Variants in MBOAT2 observed in about 807,000 individuals in gnomAD.
MBOAT2 encodes the protein membrane bound glycerophospholipid O-acyltransferase 2.
MBOAT2 carries 28 observed loss-of-function variants against 63.4 expected under a neutral mutation model. The observed-to-expected ratio is 0.44, with a 90% CI of 0.33 to 0.61. The LOEUF (loss-of-function observed/expected upper bound fraction) is 0.61. Ranked by LOEUF, MBOAT2 falls within the 20% of genes least tolerant of loss-of-function variation. The pLI is 0.03. For missense variants in MBOAT2, 470 were observed against 605.8 expected, an observed-to-expected ratio of 0.78 and a Z score of 2.35; for synonymous variants, 211 against 215.6, an observed-to-expected ratio of 0.98 and a Z score of 0.19.
At chr2:8,936,186 T>G (rs1364399632) in intron 3 of MBOAT2, among the ~76,000 whole-genome samples, 1 of 152,194 alleles carries the variant, frequency 6.6e-6, no homozygotes, top group Non-Finnish European at 1.5e-5. Flanking sequence ...GAGTCTGTCT[T>G]TTTTATTCAT....
At chr2:8,874,607 G>A (rs1297200427) in intron 7 of MBOAT2, among the ~76,000 whole-genome samples, 7 of 152,262 alleles carry the variant, frequency 4.6e-5, no homozygotes, top group Non-Finnish European at 1.0e-4. Flanking sequence ...TATCCTGAGA[G>A]GTGATATCCT....
chr2:8,889,372 A>C (rs1012726809), intron 4 of MBOAT2, among the ~76,000 whole-genome samples: 34 of 152,350 alleles, frequency 2.2e-4, no homozygotes, highest in African/African-American at 8.2e-4. Context: ...ATTCTCCTCA[A>C]CTAACGGGAA....
intron 3 of MBOAT2, 50 bp from the exon 4 acceptor site, chr2:8,908,766 A>G (rs751070579): frequency 8.9e-7 from 1 of 1,117,680 alleles, no homozygotes; most frequent in Non-Finnish European, 1.3e-6. Context: ...TCATTTTGTT[A>G]AAGAGTACAT....
At chr2:8,937,819 A>C (rs543740580) in intron 3 of MBOAT2, among the ~76,000 whole-genome samples, 1 of 152,340 alleles carries the variant, frequency 6.6e-6, no homozygotes, top group East Asian at 1.9e-4. Context: ...ACCATGCGCC[A>C]GGCACTCTGC....
At chr2:8,958,694 A>G (rs1482020126) in intron 1 of MBOAT2, 52 bp from the exon 2 acceptor site, 7 of 1,420,804 alleles carry the variant, frequency 4.9e-6, no homozygotes, top group East Asian at 2.5e-5. Flanking sequence ...TGAATTTTTC[A>G]TATCATGTTA....
At chr2:8,950,613 G>C (rs1474878543) in intron 2 of MBOAT2, among the ~76,000 whole-genome samples, 2 of 152,212 alleles carry the variant, frequency 1.3e-5, no homozygotes, top group South Asian at 4.1e-4. Flanking sequence ...ATTTTTAGTA[G>C]AGACGGGGTT....
intron 6 of MBOAT2, among the ~76,000 whole-genome samples, chr2:8,877,476 C>G (rs770825902): frequency 6.6e-6 from 1 of 152,150 alleles, no homozygotes; most frequent in African/African-American, 2.4e-5. Flanking sequence ...CAAAGATGGA[C>G]GCACTATCTG....
rs777996869 is a variant in MBOAT2, at chr2:8,877,086, A to G, written c.634T>C (p.Ser212Pro). The change falls in exon 7 of 13, where the codon TCT becomes CCT. Residue 212 changes from serine (S) to proline (P), a missense_variant. Physicochemically the swap from Ser to Pro is moderately conservative, Grantham distance 74. This residue lies in a region of MBOAT2 where 376 missense variants were observed against 503.8 expected (regional missense o/e 0.75). Coordinates refer to ENST00000305997, the MANE Select transcript of MBOAT2 (RefSeq NM_138799.4). ...GTCTCTTCTTTTCCATTTTCACCAG[A>G]TTGTGTGATATGGTATGATCTGCCT... Reference protein sequence around the residue: ...IEGRSYHITQSGENGKEETQY... With the variant: ...IEGRSYHITQPGENGKEETQY... The G allele has an allele frequency of 1.2e-6, 2 of 1,613,644 alleles. No homozygotes were observed. Among genetic ancestry groups the G allele is most frequent in the East Asian group, 4.5e-5 (2 of 44,852 alleles).
intron 3 of MBOAT2, among the ~76,000 whole-genome samples, chr2:8,935,884 G>A (rs912782170): frequency 5.9e-5 from 9 of 152,128 alleles, no homozygotes; most frequent in Non-Finnish European, 1.2e-4. Context: ...CTTTTTTCAT[G>A]TCCTTGTCTG....
intron 8 of MBOAT2, among the ~76,000 whole-genome samples, chr2:8,868,861 C>G (rs1662101177): frequency 6.6e-6 from 1 of 152,182 alleles, no homozygotes; most frequent in South Asian, 2.1e-4. Context: ...CACTGGAACA[C>G]AGCAGAGTAC....
intron 4 of MBOAT2, among the ~76,000 whole-genome samples, chr2:8,894,929 C>A (rs1251206783): frequency 6.6e-6 from 1 of 152,008 alleles, no homozygotes; most frequent in Non-Finnish European, 1.5e-5. Flanking sequence ...AGTGAAGCTG[C>A]AGACCTTCGT....
At chr2:8,973,387 G>C (rs1199956590) in intron 1 of MBOAT2, among the ~76,000 whole-genome samples, 1 of 115,942 alleles carries the variant, frequency 8.6e-6, no homozygotes, top group Non-Finnish European at 1.7e-5. Context: ...GGGGAGGGGG[G>C]AGGGATAGCA....
intron 2 of MBOAT2, among the ~76,000 whole-genome samples, chr2:8,944,583 G>A (rs1010756864): frequency 6.6e-6 from 1 of 151,606 alleles, no homozygotes; most frequent in Non-Finnish European, 1.5e-5. Context: ...TAGTCTCCAA[G>A]GCAGGCCTGT....
chr2:8,884,068 A>T (rs1324017441), intron 5 of MBOAT2, among the ~76,000 whole-genome samples: 1 of 150,048 alleles, frequency 6.7e-6, no homozygotes, highest in Non-Finnish European at 1.5e-5. Flanking sequence ...ACTAAAAAAA[A>T]AAAAAAAGAA....
chr2:8,934,305 AT>A (rs1667513335), intron 3 of MBOAT2, among the ~76,000 whole-genome samples: 2 of 152,166 alleles, frequency 1.3e-5, no homozygotes, highest in Non-Finnish European at 2.9e-5. Flanking sequence ...TCCTCAGTCT[AT>A]TTAGAGTATT....
intron 1 of MBOAT2, among the ~76,000 whole-genome samples, chr2:8,995,863 T>C (rs1203776265): frequency 6.6e-6 from 1 of 152,172 alleles, no homozygotes; most frequent in African/African-American, 2.4e-5. Context: ...AGTGCTGGGA[T>C]TACAGGCGTG....
intron 4 of MBOAT2, among the ~76,000 whole-genome samples, chr2:8,900,558 TC>T (rs1664842873): frequency 6.6e-6 from 1 of 152,122 alleles, no homozygotes; most frequent in Admixed American, 6.5e-5. Context: ...AGGAGACATA[TC>T]CAATAACCTG....
intron 1 of MBOAT2, among the ~76,000 whole-genome samples, chr2:8,976,198 T>A (rs990241721): frequency 6.6e-6 from 1 of 151,960 alleles, no homozygotes. Context: ...CCCAAATGCA[T>A]GGAAACAGAA....
At chr2:8,978,043 G>C (rs2103328474) in intron 1 of MBOAT2, among the ~76,000 whole-genome samples, 1 of 152,118 alleles carries the variant, frequency 6.6e-6, no homozygotes, top group African/African-American at 2.4e-5. Flanking sequence ...TCCCTACACA[G>C]CAGCCACAGA....
Sources: gnomAD v4.1 joint callset for allele counts (sites outside exome capture counted in the v4.1 genomes callset) on GRCh38, gnomAD v4.1.1 for gene constraint, gnomAD v4.1.1 regional missense constraint, MANE v1.5 for transcripts, NCBI Gene and HGNC (gene_info 2026-07-23, HGNC 2026-07-21) for gene names.